The following TBL2 variants were observed in gnomAD, a reference collection of about 807,000 sequenced individuals.
The protein encoded by TBL2 is transducin beta-like protein 2.
TBL2 carries 33 observed loss-of-function variants against 41.8 expected under a neutral mutation model. That is an observed-to-expected ratio of 0.79 (90% CI 0.60 to 1.06). The LOEUF (loss-of-function observed/expected upper bound fraction) is 1.06. TBL2 is among the 50% of genes least tolerant of loss of function. The pLI, the probability that TBL2 is intolerant of heterozygous loss-of-function variation, is 0.00. For synonymous variants in TBL2, 239 were observed against 241.7 expected (o/e 0.99, Z 0.10); for missense variants, 522 against 603.8 (o/e 0.86, Z 1.42).
At chr7:73,576,482 C>T (rs1269809578) in intron 1 of TBL2, 2 of 385,336 alleles carry the variant, frequency 5.2e-6, no homozygotes, top group South Asian at 3.7e-5. Context: ...AGGAGAATCA[C>T]TTGAACCCAG....
In TBL2 at chr7:73,573,737, C is replaced by T. The variant is rs1339774529; in HGVS notation, c.446+201G>A. ...AAGGTATTTCCAGGTAGGAAGAGAC[C>T]TCCCCCTGTTTCCTTGCTGTATAGC... On this transcript the variant is annotated intron_variant, in intron 3 of 6. Coordinates refer to ENST00000305632, the MANE Select transcript of TBL2 (RefSeq NM_012453.4). 1.4e-5 allele frequency: 11 copies of T among 765,504 alleles called. No individual in the cohort carries two copies. The Admixed American group carries it at 3.2e-4, about 23-fold the overall frequency. The allele number at this position is 765,504 out of a possible 1,614,324, so 47.4% of individuals were successfully genotyped here. A position where few individuals can be genotyped will look rare whatever the true frequency, so the allele number is the denominator to read the frequency against.
At chr7:73,575,189 G>A (rs1008384152) in intron 1 of TBL2, among the ~76,000 whole-genome samples, 12 of 151,814 alleles carry the variant, frequency 7.9e-5, no homozygotes, top group Admixed American at 5.9e-4. Context: ...GCAGTGGCGT[G>A]ATCTCCGCTC....
chr7:73,576,803 G>T, intron 1 of TBL2: 2 of 429,390 alleles, frequency 4.7e-6, no homozygotes, highest in Middle Eastern at 5.0e-4. Context: ...ATGCTGTTTG[G>T]GGACTCCTTG....
At position 73,569,151 on chromosome 7, in the gene TBL2, G is replaced by C. The variant is rs1227318527; in HGVS notation, c.*1356C>G. The C allele has an allele frequency of 6.6e-6, 1 of 152,178 alleles. No individual in the cohort carries two copies. The highest frequency in any genetic ancestry group is 1.5e-5 in the Non-Finnish European group (1 of 68,042). 9.4% of individuals were successfully genotyped at this position (152,178 alleles called of 1,614,324 possible). The stretch of plus-strand genomic sequence containing the variant: ...CACTAGGTGACAGTAGCCAGGACCA[G>C]GATGGTAACAGAAAAGCTGGAGAGA... On this transcript the variant is annotated 3_prime_UTR_variant, in exon 7 of 7. Transcript: ENST00000305632.
At position 73,578,297 on chromosome 7, in the gene TBL2, G is replaced by C. The variant is rs1042801743; in HGVS notation, c.130+123C>G. The C allele has an allele frequency of 7.8e-6, 12 of 1,535,510 alleles. No individual in the cohort carries two copies. The African/African-American group carries it at 1.5e-4, about 19-fold the overall frequency. Reference sequence around the variant, plus strand: ...AAGCGAAGCTCACGTTACCAGAGGAGAAACTGAGGCCCATGGAGTCGCCGG... The same window carrying C: ...AAGCGAAGCTCACGTTACCAGAGGACAAACTGAGGCCCATGGAGTCGCCGG... On this transcript the variant is annotated intron_variant, in intron 1 of 6. Transcript: ENST00000305632.
rs782520215 is a variant in TBL2 at position 73,574,002 on chromosome 7, G to C, written c.382C>G (p.Arg128Gly). 2 of 1,614,136 alleles carry C rather than the reference G, an allele frequency of 1.2e-6. No homozygotes were observed. Among genetic ancestry groups the C allele is most frequent in the South Asian group, 2.2e-5 (2 of 91,084 alleles). ...AGCTCCACGTTGGCTCTCATGCTGC[G>C]GTGCTCTCGCTGCAGGAAGTCCTTG... is the stretch of plus-strand genomic sequence containing the variant. The part of the protein sequence containing the change: ...STKDFLQREH[R>G]SMRANVELDH... Residue 128 changes from arginine to glycine, a missense_variant, in exon 3 of 7, where the codon CGC becomes GGC. By Grantham distance (125) the Arg-to-Gly change is moderately radical. Coordinates refer to ENST00000305632, the MANE Select transcript of TBL2 (RefSeq NM_012453.4).
chr7:73,568,672 C>T lies in TBL2; in HGVS notation c.*1835G>A, dbSNP rs1220442767. 6.6e-6 allele frequency among the ~76,000 whole-genome samples: 1 copy of T among 152,106 alleles called. No individual in the cohort carries two copies. The highest frequency in any genetic ancestry group is 1.5e-5 in the Non-Finnish European group (1 of 68,026). On this transcript the variant is annotated 3_prime_UTR_variant, in exon 7 of 7. Transcript: ENST00000305632. ...GGCACGATGGCTCACACCTGTAATC[C>T]CAGCACTTGGGGAGGCCAAGGGGGG...
chr7:73,576,845 C>A (rs1410705705), intron 1 of TBL2: 1 of 383,528 alleles, frequency 2.6e-6, no homozygotes, highest in African/African-American at 2.1e-5. Flanking sequence ...GCAGGAATGT[C>A]TTTTTTCCTT....
intron 1 of TBL2, among the ~76,000 whole-genome samples, chr7:73,577,111 A>G (rs1185917907): frequency 1.3e-5 from 2 of 151,830 alleles, no homozygotes; most frequent in East Asian, 3.9e-4. Flanking sequence ...AATACAAAAA[A>G]TTAGCCGGGT....
At position 73,574,430 on chromosome 7, in the gene TBL2, G is replaced by C; in HGVS notation, c.214C>G (p.Pro72Ala). ...CGGTGGGTGAAGTTGTGTTGTTGAGGCTTCTCCTTCCGAATCCGCTGATAT... is the reference window on the plus strand; with the variant it reads ...CGGTGGGTGAAGTTGTGTTGTTGAGCCTTCTCCTTCCGAATCCGCTGATAT... Reference protein sequence around the residue: ...KQYQRIRKEKPQQHNFTHRLL... With the variant: ...KQYQRIRKEKAQQHNFTHRLL... The change falls in exon 2 of 7, where the codon CCT (proline) becomes GCT (alanine). Residue 72 changes from proline to alanine, a missense_variant. Coordinates refer to ENST00000305632, the MANE Select transcript of TBL2 (RefSeq NM_012453.4). The C allele has an allele frequency of 6.2e-7, 1 of 1,614,114 alleles. No homozygotes were observed. Among genetic ancestry groups the C allele is most frequent in the South Asian group, 1.1e-5 (1 of 91,072 alleles).
rs1792815002 is a variant in TBL2 at position 73,569,837 on chromosome 7, G to C, written c.*670C>G. The C allele has an allele frequency of 6.6e-6, 1 of 152,180 alleles. No individual in the cohort carries two copies. The highest frequency in any genetic ancestry group is 1.5e-5 in the Non-Finnish European group (1 of 68,040). The allele number at this position is 152,180 out of a possible 1,614,324, so 9.4% of individuals were successfully genotyped here. On this transcript the variant is annotated 3_prime_UTR_variant, in exon 7 of 7. Coordinates refer to ENST00000305632, the MANE Select transcript of TBL2 (RefSeq NM_012453.4). ...TCCCAGAAAACTTTGCCTTCCCAAG[G>C]AATGTGTTTCTAATTTGGTTTCAAA...
chr7:73,571,832 G>A (rs140890321), intron 5 of TBL2: 226 of 162,386 alleles, frequency 1.4e-3, no homozygotes, highest in African/African-American at 4.3e-3. Context: ...AGGCCCAGGC[G>A]GGCAGCTCAC....
chr7:73,578,285 G>T (rs1449682500), intron 1 of TBL2, 135 bp downstream of exon 1: 1 of 1,534,510 alleles, frequency 6.5e-7, no homozygotes, highest in Non-Finnish European at 8.7e-7. Flanking sequence ...CGAAGCTCAC[G>T]TTACCAGAGG....
chr7:73,576,339 C>T (rs1554588923), intron 1 of TBL2, among the ~76,000 whole-genome samples: 1 of 151,894 alleles, frequency 6.6e-6, no homozygotes, highest in Non-Finnish European at 1.5e-5. Flanking sequence ...GGCCCGGCAG[C>T]TGGATCATCT....
At chr7:73,574,266 C>T in intron 2 of TBL2, 117 bp downstream of exon 2, 1 of 1,522,562 alleles carries the variant, frequency 6.6e-7, no homozygotes, top group Non-Finnish European at 8.9e-7. Context: ...CAGAATTAAG[C>T]ACCCCCGCTG....
In TBL2 at chr7:73,573,175, CACAGAGCCAGGCTGT is replaced by C. The variant is rs1360094479; in HGVS notation, c.598+130_598+144del. 1.1e-5 allele frequency: 16 copies of C among 1,399,224 alleles called. No homozygotes were observed. In the Admixed American group the frequency reaches 1.4e-4, roughly 13 times the overall value. The allele number at this position is 1,399,224 out of a possible 1,614,324, so 86.7% of individuals were successfully genotyped here. On this transcript the variant is annotated intron_variant, in intron 4 of 6. Coordinates refer to ENST00000305632, the MANE Select transcript of TBL2 (RefSeq NM_012453.4). Reference sequence around the variant, plus strand: ...GTGTGGCCCAGGGACTCCAGGGGAGCACAGAGCCAGGCTGTTCAGAGCCAGGGACCCCTTGTTCCT... The same window carrying C: ...GTGTGGCCCAGGGACTCCAGGGGAGCTCAGAGCCAGGGACCCCTTGTTCCT...
chr7:73,573,247 A>C, intron 4 of TBL2, 73 bp downstream of exon 4: 1 of 1,580,978 alleles, frequency 6.3e-7, no homozygotes, highest in South Asian at 1.2e-5. Context: ...AGGCAGCATT[A>C]ACTCATTGAG....
intron 5 of TBL2, chr7:73,571,789 G>C (rs1011258508): frequency 1.3e-4 from 22 of 169,876 alleles, no homozygotes; most frequent in Non-Finnish European, 2.4e-4. Flanking sequence ...GGCCGGGTGT[G>C]GTGGCTCATA....
chr7:73,570,330 C>G lies in TBL2; in HGVS notation c.*177G>C. The G allele has an allele frequency of 8.4e-7, 1 of 1,185,782 alleles. No homozygotes were observed. Among genetic ancestry groups the G allele is most frequent in the South Asian group, 1.9e-5 (1 of 53,072 alleles). The allele number at this position is 1,185,782 out of a possible 1,614,324, so 73.5% of individuals were successfully genotyped here. Reference sequence around the variant, plus strand: ...CTAGTCAGGGAGGAGTCACAGCCAGCAAGAAGAGAGAGACCTAAGTAGACA... The same window carrying G: ...CTAGTCAGGGAGGAGTCACAGCCAGGAAGAAGAGAGAGACCTAAGTAGACA... On this transcript the variant is annotated 3_prime_UTR_variant, in exon 7 of 7. Coordinates refer to ENST00000305632, the MANE Select transcript of TBL2 (RefSeq NM_012453.4).
Sources: allele counts gnomAD v4.1 joint callset (sites outside exome capture counted in the v4.1 genomes callset), GRCh38; gene constraint gnomAD v4.1.1; transcripts MANE v1.5; gene names NCBI Gene and HGNC (gene_info 2026-07-23, HGNC 2026-07-21).